Variants in MMS19 observed in about 807,000 individuals in gnomAD.
MMS19 encodes MMS19 cytosolic iron-sulfur assembly component.
In MMS19, 77 loss-of-function variants were observed where a neutral mutation model predicts 129.8. That is an observed-to-expected ratio of 0.59 (90% CI 0.49 to 0.72). The LOEUF (loss-of-function observed/expected upper bound fraction) is 0.72, where lower values mean the gene tolerates loss of function less well. Among genes scored for constraint, MMS19 ranks in the 30% least tolerant of loss-of-function variants. The pLI is 0.00. For missense variants in MMS19, 1,168 were observed against 1,266.3 expected (o/e 0.92, Z 1.18); for synonymous variants, 491 against 502.8 (o/e 0.98, Z 0.31).
chr10:97,491,220 G>A (rs2038816358), intron 1 of MMS19, among the ~76,000 whole-genome samples: 1 of 152,148 alleles, frequency 6.6e-6, no homozygotes, highest in Non-Finnish European at 1.5e-5. Flanking sequence ...AATAGCAAAG[G>A]ATATCAATGA....
intron 1 of MMS19, 104 bp downstream of exon 1, chr10:97,498,169 C>G: frequency 9.1e-7 from 1 of 1,104,300 alleles, no homozygotes; most frequent in Non-Finnish European, 1.3e-6. Flanking sequence ...TGAGACCAAT[C>G]TCTCAAAGTC....
In MMS19 at chr10:97,459,238, G is replaced by A; in HGVS notation, c.2949C>T (p.Arg983=). ...AALQCMHALT[R]LPTPVLLPYK... is the part of the protein sequence containing the mutation. Reference sequence around the variant, plus strand: ...AGGTACTTACCACAGGGGTGGGCAGGCGAGTGAGAGCATGCATGCACTGCA... The same window carrying A: ...AGGTACTTACCACAGGGGTGGGCAGACGAGTGAGAGCATGCATGCACTGCA... Residue 983 remains arginine (R), a synonymous_variant, in exon 29 of 31, where the codon CGC becomes CGT. Transcript: ENST00000438925. The A allele has an allele frequency of 1.2e-6, 2 of 1,612,398 alleles. No homozygotes were observed. The highest frequency in any genetic ancestry group is 8.5e-7 in the Non-Finnish European group (1 of 1,179,310).
At chr10:97,459,823 T>A in intron 26 of MMS19, 82 bp from the exon 27 acceptor site, 6 of 1,197,466 alleles carry the variant, frequency 5.0e-6, no homozygotes, top group Non-Finnish European at 7.3e-6. Context: ...GTGGTGAGGC[T>A]GAGACATCAG....
Position 97,465,804 on chromosome 10 carries a change from C to CCT in MMS19, c.1755_1756dup (p.Gly586GlufsTer60). On this transcript the variant is annotated frameshift_variant and splice_region_variant. Transcript: ENST00000438925. LOFTEE classifies it high-confidence loss of function. Reference sequence around the variant, plus strand: ...CGTTGGTGGTTATTCCTAGTAGTTACCTCTGTTCACTTGCCAGAGATGCTG... The same window carrying CCT: ...CGTTGGTGGTTATTCCTAGTAGTTACCTCTCTGTTCACTTGCCAGAGATGCTG... 1 of 1,611,454 alleles carries CCT rather than the reference C, an allele frequency of 6.2e-7. No individual in the cohort carries two copies. Among genetic ancestry groups the CCT allele is most frequent in the Non-Finnish European group, 8.5e-7 (1 of 1,179,346 alleles).
intron 13 of MMS19, among the ~76,000 whole-genome samples, chr10:97,467,882 GGTCTTT>G (rs2033863745): frequency 6.8e-6 from 1 of 146,918 alleles, no homozygotes; most frequent in African/African-American, 2.5e-5. Context: ...TGCCCAAGCT[GGTCTTT>G]AAATCCTAGC....
chr10:97,467,823 C>T (rs926918180), intron 13 of MMS19, among the ~76,000 whole-genome samples: 46 of 151,524 alleles, frequency 3.0e-4, no homozygotes, highest in African/African-American at 1.0e-3. Flanking sequence ...GCCACCTTAT[C>T]CAGCTAATTT....
At chr10:97,468,467 A>G (rs958479082) in intron 12 of MMS19, 61 bp from the exon 13 acceptor site, 6 of 1,481,390 alleles carry the variant, frequency 4.1e-6, no homozygotes, top group Non-Finnish European at 5.4e-6. Context: ...ACTCCCCTAC[A>G]GTCCACAGAG....
intron 2 of MMS19, 77 bp downstream of exon 2, chr10:97,484,026 G>A (rs566376111): frequency 2.2e-6 from 2 of 905,524 alleles, no homozygotes; most frequent in East Asian, 5.3e-5. Context: ...CTCCAGGAAA[G>A]CAGCAATGCG....
rs2036154284 is a variant in MMS19, at chr10:97,478,399, C to T, written c.263-10G>A. 3.1e-6 allele frequency: 5 copies of T among 1,594,296 alleles called. No homozygotes were observed. Among genetic ancestry groups the T allele is most frequent in the Non-Finnish European group, 4.3e-6 (5 of 1,168,874 alleles). ...AGTATCAGGTGTACCACTGCACAAACCAGATTCAGCCATTAGTTGACATAG... is the reference window on the plus strand; with the variant it reads ...AGTATCAGGTGTACCACTGCACAAATCAGATTCAGCCATTAGTTGACATAG... On this transcript the variant is annotated splice_polypyrimidine_tract_variant and intron_variant, in intron 3 of 30. Coordinates refer to ENST00000438925, the MANE Select transcript of MMS19 (RefSeq NM_022362.5).
In MMS19 at chr10:97,459,655, T is replaced by C. The variant is rs1339567533; in HGVS notation, c.2739+4A>G. 2.5e-6 allele frequency: 4 copies of C among 1,610,946 alleles called. No individual in the cohort carries two copies. In the South Asian group the frequency reaches 4.4e-5, roughly 18 times the overall value. On this transcript the variant is annotated splice_donor_region_variant and intron_variant, in intron 27 of 30. Transcript: ENST00000438925. ...TGCTTAGAAGCTCTGCCTGTGGGAC[T>C]TACCGTGGGCAGCTCTGGCAAGAGT...
intron 1 of MMS19, among the ~76,000 whole-genome samples, 194 bp downstream of exon 1, chr10:97,498,079 T>G (rs1395117885): frequency 6.6e-6 from 1 of 152,096 alleles, no homozygotes; most frequent in African/African-American, 2.4e-5. Flanking sequence ...AGATGAGAAG[T>G]GTAAATGGTT....
At chr10:97,497,324 T>C (rs1402494380) in intron 1 of MMS19, among the ~76,000 whole-genome samples, 1 of 152,230 alleles carries the variant, frequency 6.6e-6, no homozygotes, top group Non-Finnish European at 1.5e-5. Flanking sequence ...AGTATTATAT[T>C]TCTAGCAGAT....
intron 3 of MMS19, 45 bp downstream of exon 3, chr10:97,480,897 G>T: frequency 7.2e-7 from 1 of 1,389,508 alleles, no homozygotes; most frequent in African/African-American, 1.4e-5. Flanking sequence ...TGGGAGACCT[G>T]GGCTCAGCAA....
intron 1 of MMS19, among the ~76,000 whole-genome samples, chr10:97,493,152 C>T (rs2039211333): frequency 6.6e-6 from 1 of 152,048 alleles, no homozygotes; most frequent in African/African-American, 2.4e-5. Flanking sequence ...GCTGCGACTA[C>T]AGGCACACCA....
At chr10:97,491,753 T>C (rs971465791) in intron 1 of MMS19, among the ~76,000 whole-genome samples, 1 of 152,282 alleles carries the variant, frequency 6.6e-6, no homozygotes, top group African/African-American at 2.4e-5. Context: ...TGTGGTTCCT[T>C]GAATCCCAGT....
chr10:97,468,213 C>A (rs1431841542), intron 13 of MMS19, 39 bp downstream of exon 13: 6 of 1,493,096 alleles, frequency 4.0e-6, no homozygotes, highest in African/African-American at 1.4e-5. Context: ...ACCTAGCACA[C>A]AGGTCCCATC....
intron 19 of MMS19, among the ~76,000 whole-genome samples, chr10:97,463,173 T>G (rs529997802): frequency 2.8e-4 from 43 of 151,536 alleles, no homozygotes; most frequent in African/African-American, 9.7e-4. Flanking sequence ...GTTTTTTTTT[T>G]TTTTTTTTTT....
At position 97,477,878 on chromosome 10, in the gene MMS19, T is replaced by TG; in HGVS notation, c.399dup (p.Ile134HisfsTer39). ...ACCTGTACATGCACTTCCTGGAAGATGGCTTTAAGCACAGAAACAGCCAGC... is the reference window on the plus strand; with the variant it reads ...ACCTGTACATGCACTTCCTGGAAGATGGGCTTTAAGCACAGAAACAGCCAGC... On this transcript the variant is annotated frameshift_variant, in exon 5 of 31. Coordinates refer to ENST00000438925, the MANE Select transcript of MMS19 (RefSeq NM_022362.5). LOFTEE classifies it high-confidence loss of function. The TG allele has an allele frequency of 6.2e-7, 1 of 1,609,696 alleles. No homozygotes were observed. Among genetic ancestry groups the TG allele is most frequent in the Admixed American group, 1.7e-5 (1 of 59,136 alleles).
chr10:97,469,884 C>A (rs571381438), intron 10 of MMS19, among the ~76,000 whole-genome samples, 161 bp from the exon 11 acceptor site: 9 of 152,216 alleles, frequency 5.9e-5, no homozygotes, highest in East Asian at 3.9e-4. Context: ...TAGGAGATAA[C>A]CCTGGTTGAT....
Sources: allele counts gnomAD v4.1 joint callset (sites outside exome capture counted in the v4.1 genomes callset), GRCh38; gene constraint gnomAD v4.1.1; transcripts MANE v1.5; gene names NCBI Gene and HGNC (gene_info 2026-07-23, HGNC 2026-07-21).